Variants in KIF1C observed in about 807,000 individuals in gnomAD.
The protein encoded by KIF1C is kinesin-like protein KIF1C.
In KIF1C, 61 loss-of-function variants were observed where a neutral mutation model predicts 126.5. That is an observed-to-expected ratio of 0.48 (90% CI 0.39 to 0.60). The LOEUF is 0.60. Among genes scored for constraint, KIF1C ranks in the 20% least tolerant of loss-of-function variants. The probability of loss-of-function intolerance (pLI) is 0.00; values close to 1 mark genes in which losing one functional copy is unlikely to be tolerated. For synonymous variants in KIF1C, 640 were observed against 580.6 expected, an observed-to-expected ratio of 1.10 and a Z score of -1.47; for missense variants, 1,315 against 1,489.2, an observed-to-expected ratio of 0.88 and a Z score of 1.93.
In KIF1C at chr17:4,999,908, C is replaced by T. The variant is rs1974537149; in HGVS notation, c.-90C>T. The T allele has an allele frequency of 4.4e-5, 13 of 297,026 alleles. No individual in the cohort carries two copies. In the South Asian group the frequency reaches 5.1e-4, roughly 12 times the overall value. 18.4% of individuals were successfully genotyped at this position (297,026 alleles called of 1,614,324 possible). A position where few individuals can be genotyped will look rare whatever the true frequency, so the allele number is the denominator to read the frequency against. Reference sequence around the variant, plus strand: ...GCCCCAGGAGTAGGATGGGGCTCCCCCTACGAGGGCCGGTGGCAGCCAGAA... The same window carrying T: ...GCCCCAGGAGTAGGATGGGGCTCCCTCTACGAGGGCCGGTGGCAGCCAGAA... On this transcript the variant is annotated 5_prime_UTR_variant, in exon 2 of 23. Transcript: ENST00000320785.
intron 21 of KIF1C, 93 bp from the exon 22 acceptor site, chr17:5,021,999 C>A: frequency 7.2e-7 from 1 of 1,390,318 alleles, no homozygotes; most frequent in Non-Finnish European, 9.7e-7. Flanking sequence ...CCCTGATGGG[C>A]GTGTTTCCAG....
chr17:5,002,677 C>T (rs1974626256), intron 7 of KIF1C, 35 bp downstream of exon 7: 1 of 1,611,246 alleles, frequency 6.2e-7, no homozygotes, highest in Admixed American at 1.7e-5. Flanking sequence ...GGCAAGGGGG[C>T]CAGGGTTGGG....
chr17:5,014,804 C>T lies in KIF1C; in HGVS notation c.1633C>T (p.Leu545=), dbSNP rs1023677825. The change falls in exon 18 of 23, where the codon CTG becomes TTG. Residue 545 remains leucine (L), a synonymous_variant. Coordinates refer to ENST00000320785, the MANE Select transcript of KIF1C (RefSeq NM_006612.6). ...TGQFIREQHC[L]FRSIPQPDGE... The stretch of plus-strand genomic sequence containing the variant: ...ACAGTTCATTCGGGAGCAACACTGT[C>T]TGTTCCGGAGCATCCCCCAGCCAGA... 2.5e-6 allele frequency: 4 copies of T among 1,601,252 alleles called. No individual in the cohort carries two copies. The highest frequency in any genetic ancestry group is 1.7e-4 in the Middle Eastern group (1 of 6,056).
intron 13 of KIF1C, among the ~76,000 whole-genome samples, chr17:5,006,176 C>T (rs918786921): frequency 1.1e-4 from 16 of 151,104 alleles, no homozygotes; most frequent in African/African-American, 2.9e-4. Context: ...CATTGCACTC[C>T]AGCCTAGCGA....
chr17:5,001,045 A>T (rs1974577524), intron 4 of KIF1C, among the ~76,000 whole-genome samples, 177 bp from the exon 5 acceptor site: 1 of 152,012 alleles, frequency 6.6e-6, no homozygotes, highest in Admixed American at 6.6e-5. Context: ...TGGGGTAATT[A>T]GGACTAGCAG....
rs1975123034 is a variant in KIF1C, at chr17:5,022,765, T to G, written c.2628+56T>G. 1.4e-6 allele frequency: 2 copies of G among 1,442,160 alleles called. No individual in the cohort carries two copies. Among genetic ancestry groups the G allele is most frequent in the African/African-American group, 2.8e-5 (2 of 70,438 alleles). The allele number at this position is 1,442,160 out of a possible 1,614,324, so 89.3% of individuals were successfully genotyped here. ...CTCCCTCGGCTCTTCACTTTAGGAG[T>G]CTGAACCTTCCATCTCAGAGCCTAA... On this transcript the variant is annotated intron_variant, in intron 22 of 22. Coordinates refer to ENST00000320785, the MANE Select transcript of KIF1C (RefSeq NM_006612.6). This position sits in a 1 kb window ranked among gnomAD's most constrained non-coding sequence, Gnocchi z 4.9.
intron 12 of KIF1C, 38 bp downstream of exon 12, chr17:5,004,683 G>C (rs1428627714): frequency 6.2e-7 from 1 of 1,606,220 alleles, no homozygotes; most frequent in Non-Finnish European, 8.5e-7. Flanking sequence ...GGGCAGCATA[G>C]GAAGAGTGCC....
chr17:5,005,851 C>T lies in KIF1C; in HGVS notation c.1165+851C>T, dbSNP rs145871250. Among the ~76,000 whole-genome samples the T allele has an allele frequency of 5.9e-5, 9 of 151,508 alleles. 1 individual carries two copies. Among genetic ancestry groups the T allele is most frequent in the African/African-American group, 1.2e-4 (5 of 41,308 alleles). ...AAGAGATTCTCCTGCCTCAGCCTCCCGAATAACTGGGATTACAGGCGCCCA... is the reference window on the plus strand; with the variant it reads ...AAGAGATTCTCCTGCCTCAGCCTCCTGAATAACTGGGATTACAGGCGCCCA... On this transcript the variant is annotated intron_variant, in intron 13 of 22. Transcript: ENST00000320785.
chr17:5,014,788 T>C lies in KIF1C; in HGVS notation c.1617T>C (p.Ile539=), dbSNP rs767774040. Reference sequence around the variant, plus strand: ...ACATCAAGCTGACCGGACAGTTCATTCGGGAGCAACACTGTCTGTTCCGGA... The same window carrying C: ...ACATCAAGCTGACCGGACAGTTCATCCGGGAGCAACACTGTCTGTTCCGGA... ...DMDIKLTGQF[I]REQHCLFRSI... is the part of the protein sequence containing the mutation. Residue 539 remains isoleucine (I), a synonymous_variant, in exon 18 of 23, where the codon ATT becomes ATC. Transcript: ENST00000320785. 1.9e-6 allele frequency: 3 copies of C among 1,602,622 alleles called. No homozygotes were observed. Among genetic ancestry groups the C allele is most frequent in the African/African-American group, 1.3e-5 (1 of 74,942 alleles).
In KIF1C at chr17:5,000,312, G is replaced by A. The variant is rs1344796646; in HGVS notation, c.66G>A (p.Gln22=). 1 of 1,594,448 alleles carries A rather than the reference G, an allele frequency of 6.3e-7. No individual in the cohort carries two copies. The highest frequency in any genetic ancestry group is 1.1e-5 in the South Asian group (1 of 87,762). Residue 22 remains glutamine, a synonymous_variant, in exon 3 of 23, where the codon CAG becomes CAA. Transcript: ENST00000320785. The stretch of plus-strand genomic sequence containing the variant: ...CCTTTAACGCCCGTGAGACCAGCCA[G>A]GATGCCAAGTGTGTGGTCAGCATGC... ...VRPFNARETS[Q]DAKCVVSMQG...
rs186917988 is a variant in KIF1C, at chr17:5,022,463, C to T, written c.2382C>T (p.Asp794=). Residue 794 remains aspartate, a synonymous_variant, in exon 22 of 23, where the codon GAC becomes GAT. Transcript: ENST00000320785. This position sits in a 1 kb window ranked among gnomAD's most constrained non-coding sequence, Gnocchi z 4.9. ...RTYGKPDGPG[D]AWRAVARDVW... is the part of the protein sequence containing the mutation. ...ATGGCAAGCCAGACGGCCCCGGAGA[C>T]GCCTGGAGGGCTGTGGCCCGGGATG... 45 of 1,585,560 alleles carry T rather than the reference C, an allele frequency of 2.8e-5. 1 individual carries two copies. In the East Asian group the frequency reaches 4.6e-4, roughly 16 times the overall value.
rs1975063030 is a variant in KIF1C at position 5,020,385 on chromosome 17, A to AG, written c.1751-103dup. 8.6e-7 allele frequency: 1 copy of AG among 1,160,630 alleles called. No homozygotes were observed. The highest frequency in any genetic ancestry group is 1.6e-5 in the African/African-American group (1 of 64,418). The allele number at this position is 1,160,630 out of a possible 1,614,324, so 71.9% of individuals were successfully genotyped here. A position where few individuals can be genotyped will look rare whatever the true frequency, so the allele number is the denominator to read the frequency against. On this transcript the variant is annotated intron_variant, in intron 19 of 22. Transcript: ENST00000320785. The surrounding 1 kb of genome is among the most constrained non-coding windows in gnomAD (Gnocchi z 5.8). ...ACTGCCTTCAGACTTGGGGTGATGAAGGGGAGGGTGTCACAGCCCCTGTGC... is the reference window on the plus strand; with the variant it reads ...ACTGCCTTCAGACTTGGGGTGATGAAGGGGGAGGGTGTCACAGCCCCTGTGC...
intron 6 of KIF1C, 55 bp downstream of exon 6, chr17:5,002,179 T>C (rs1372070108): frequency 1.3e-6 from 2 of 1,503,054 alleles, no homozygotes; most frequent in Non-Finnish European, 1.9e-6. Flanking sequence ...CTGAGGGCTG[T>C]CGCTGGAATC....
At position 5,026,205 on chromosome 17, in the gene KIF1C, A is replaced by T. The variant is rs1048218806; in HGVS notation, c.*2054A>T. The T allele has an allele frequency of 6.6e-6, 1 of 152,196 alleles. No homozygotes were observed. Among genetic ancestry groups the T allele is most frequent in the South Asian group, 2.1e-4 (1 of 4,832 alleles). 9.4% of individuals were successfully genotyped at this position (152,196 alleles called of 1,614,324 possible). A position where few individuals can be genotyped will look rare whatever the true frequency, so the allele number is the denominator to read the frequency against. On this transcript the variant is annotated 3_prime_UTR_variant, in exon 23 of 23. Transcript: ENST00000320785. ...TCACAGACCTGTTGACAGTGACTCA[A>T]GATCTGGAATGTAATGGATGGTTTG...
In KIF1C at chr17:5,022,735, C is replaced by T. The variant is rs1975122210; in HGVS notation, c.2628+26C>T. 1.3e-6 allele frequency: 2 copies of T among 1,494,740 alleles called. No individual in the cohort carries two copies. Among genetic ancestry groups the T allele is most frequent in the Non-Finnish European group, 8.9e-7 (1 of 1,127,090 alleles). 92.6% of individuals were successfully genotyped at this position (1,494,740 alleles called of 1,614,324 possible). A position where few individuals can be genotyped will look rare whatever the true frequency, so the allele number is the denominator to read the frequency against. On this transcript the variant is annotated intron_variant, in intron 22 of 22. Coordinates refer to ENST00000320785, the MANE Select transcript of KIF1C (RefSeq NM_006612.6). The surrounding 1 kb of genome is among the most constrained non-coding windows in gnomAD (Gnocchi z 4.9). ...GTAGGACTGGCCTTCTGCCTCCCTT[C>T]TCTCCTCCCTCGGCTCTTCACTTTA...
At chr17:5,003,581 C>T in intron 8 of KIF1C, 31 bp from the exon 9 acceptor site, 1 of 1,558,016 alleles carries the variant, frequency 6.4e-7, no homozygotes, top group Non-Finnish European at 8.8e-7. Context: ...CCACCCGCAC[C>T]TTATCTCCTG....
chr17:5,005,012 A>G lies in KIF1C; in HGVS notation c.1165+12A>G, dbSNP rs577653763. The G allele has an allele frequency of 4.4e-4, 714 of 1,614,108 alleles. 9 individuals carry two copies. The South Asian group carries it at 7.3e-3, about 16-fold the overall frequency. On this transcript the variant is annotated intron_variant, in intron 13 of 22. Coordinates refer to ENST00000320785, the MANE Select transcript of KIF1C (RefSeq NM_006612.6). ...CTCTGCTCTGGAAGGTCGAGGTTCC[A>G]GGGAGGGGCAGCTCAGGGATGCCCC...
rs1457563663 is a variant in KIF1C at position 5,020,915 on chromosome 17, C to T, written c.2010+37C>T. 1 of 1,536,494 alleles carries T rather than the reference C, an allele frequency of 6.5e-7. No homozygotes were observed. Among genetic ancestry groups the T allele is most frequent in the Non-Finnish European group, 8.8e-7 (1 of 1,131,630 alleles). On this transcript the variant is annotated intron_variant, in intron 21 of 22. Coordinates refer to ENST00000320785, the MANE Select transcript of KIF1C (RefSeq NM_006612.6). The surrounding 1 kb of genome is among the most constrained non-coding windows in gnomAD (Gnocchi z 5.8). ...CAGGGGCTGGGGATGGGCTGATGGG[C>T]AGATGAGCCGCAAGCCTGAGTCCGA...
At chr17:5,017,447 C>A (rs1974996644) in intron 18 of KIF1C, among the ~76,000 whole-genome samples, 1 of 151,766 alleles carries the variant, frequency 6.6e-6, no homozygotes, top group African/African-American at 2.4e-5. Context: ...CTACAGGCGC[C>A]CCCCCACCAC....
Sources: allele counts gnomAD v4.1 joint callset (sites outside exome capture counted in the v4.1 genomes callset), GRCh38; gene constraint gnomAD v4.1.1; non-coding constraint Gnocchi (gnomAD v3.1); transcripts MANE v1.5; gene names NCBI Gene and HGNC (gene_info 2026-07-23, HGNC 2026-07-21).